Variants in RTN1 observed in about 807,000 individuals in gnomAD.
The protein encoded by RTN1 is reticulon-1.
RTN1 carries 25 observed loss-of-function variants against 65.5 expected under a neutral mutation model. That is an observed-to-expected ratio of 0.38 (90% CI 0.28 to 0.53). The LOEUF (loss-of-function observed/expected upper bound fraction) is 0.53. RTN1 is among the 20% of genes least tolerant of loss of function. The pLI is 0.79. For missense variants in RTN1, 983 were observed against 1,025.4 expected, an observed-to-expected ratio of 0.96 and a Z score of 0.57; for synonymous variants, 471 against 447.6, an observed-to-expected ratio of 1.05 and a Z score of -0.66.
At chr14:59,687,529 T>C (rs1883872852) in intron 3 of RTN1, among the ~76,000 whole-genome samples, 1 of 151,944 alleles carries the variant, frequency 6.6e-6, no homozygotes, top group Non-Finnish European at 1.5e-5. Context: ...GCAGAGATCC[T>C]GGTACAGCAG....
rs551323713 is a variant in RTN1, at chr14:59,622,881, TC to T, written c.1766-15390del. On this transcript the variant is annotated intron_variant, in intron 3 of 8. Transcript: ENST00000267484. ...TGATAAGACACCTTTGATTTCATTT[TC>T]CAGCCCTTCCCTCACACCTCCTAAC... is the stretch of plus-strand genomic sequence containing the variant. Among the ~76,000 whole-genome samples, 31 of 152,340 alleles carry T rather than the reference TC, an allele frequency of 2.0e-4. No homozygotes were observed. In the South Asian group the frequency reaches 6.4e-3, roughly 32 times the overall value.
At chr14:59,777,032 C>T (rs17096617) in intron 1 of RTN1, among the ~76,000 whole-genome samples, 55,896 of 151,946 alleles carry the variant, frequency 0.37, 10,442 homozygotes, top group Middle Eastern at 0.45. Context: ...GCGTTCATTA[C>T]GGAGTGACAT....
chr14:59,817,924 C>A (rs558450388), intron 1 of RTN1, among the ~76,000 whole-genome samples: 1 of 152,066 alleles, frequency 6.6e-6, no homozygotes. Context: ...GTTTGTTACA[C>A]GAGTAAATTG....
chr14:59,803,112 C>T lies in RTN1; in HGVS notation c.242-56631G>A, dbSNP rs1886576469. Among the ~76,000 whole-genome samples the T allele has an allele frequency of 6.6e-6, 1 of 152,136 alleles. No individual in the cohort carries two copies. Among genetic ancestry groups the T allele is most frequent in the Non-Finnish European group, 1.5e-5 (1 of 68,032 alleles). The stretch of plus-strand genomic sequence containing the variant: ...GGCCATGCAGAAAACCGCTGTCTAT[C>T]TAAATGAAATCAAAAGGACAGGATG... On this transcript the variant is annotated intron_variant, in intron 1 of 8. Coordinates refer to ENST00000267484, the MANE Select transcript of RTN1 (RefSeq NM_021136.3). The surrounding 1 kb of genome is among the most constrained non-coding windows in gnomAD (Gnocchi z 5.6).
At chr14:59,686,886 A>C (rs551978472) in intron 3 of RTN1, among the ~76,000 whole-genome samples, 1 of 152,308 alleles carries the variant, frequency 6.6e-6, no homozygotes, top group African/African-American at 2.4e-5. Flanking sequence ...AGGCACATTC[A>C]AAGGCAGCCA....
Position 59,836,419 on chromosome 14 carries a change from G to A in RTN1, c.241+33971C>T, listed in dbSNP as rs1337933440. ...GACTCTCAGGCACAGAGAGATTAAG[G>A]AACTCCCCACATCACACAACTAATT... On this transcript the variant is annotated intron_variant, in intron 1 of 8. Coordinates refer to ENST00000267484, the MANE Select transcript of RTN1 (RefSeq NM_021136.3). The surrounding 1 kb of genome is among the most constrained non-coding windows in gnomAD (Gnocchi z 4.9). Among the ~76,000 whole-genome samples the A allele has an allele frequency of 6.6e-6, 1 of 152,170 alleles. No individual in the cohort carries two copies. Among genetic ancestry groups the A allele is most frequent in the Admixed American group, 6.5e-5 (1 of 15,276 alleles).
chr14:59,607,232 G>A, intron 4 of RTN1, 53 bp downstream of exon 4: 1 of 1,511,584 alleles, frequency 6.6e-7, no homozygotes, highest in Non-Finnish European at 9.1e-7. Context: ...AAATACAGGT[G>A]AGGGTAAAAG....
chr14:59,640,073 A>T (rs2140191144), intron 3 of RTN1, among the ~76,000 whole-genome samples: 1 of 152,292 alleles, frequency 6.6e-6, no homozygotes. Flanking sequence ...CAAGTTAGAA[A>T]ATGTTACTCC....
intron 1 of RTN1, among the ~76,000 whole-genome samples, chr14:59,755,194 A>C (rs374813214): frequency 9.2e-5 from 14 of 152,196 alleles, no homozygotes; most frequent in African/African-American, 2.9e-4. Context: ...ACAACAAATT[A>C]TACAAAAAGG....
intron 1 of RTN1, among the ~76,000 whole-genome samples, chr14:59,780,791 G>A (rs1886140773): frequency 6.6e-6 from 1 of 152,146 alleles, no homozygotes; most frequent in African/African-American, 2.4e-5. Context: ...AGAGAGCAAG[G>A]AAATATAGGA....
intron 3 of RTN1, among the ~76,000 whole-genome samples, chr14:59,701,634 C>T (rs1884180508): frequency 6.6e-6 from 1 of 151,504 alleles, no homozygotes; most frequent in Non-Finnish European, 1.5e-5. Flanking sequence ...CTATAATAGG[C>T]AAATCTATAG....
At chr14:59,748,760 C>T (rs1376155358) in intron 1 of RTN1, among the ~76,000 whole-genome samples, 1 of 146,898 alleles carries the variant, frequency 6.8e-6, no homozygotes, top group Admixed American at 6.6e-5. Context: ...AGTAGGTACT[C>T]AATACATATT....
intron 1 of RTN1, among the ~76,000 whole-genome samples, chr14:59,861,718 C>G (rs531504611): frequency 6.6e-6 from 1 of 152,316 alleles, no homozygotes; most frequent in South Asian, 2.1e-4. Context: ...CCTAATTTTG[C>G]TCTGTGAAAT....
intron 3 of RTN1, among the ~76,000 whole-genome samples, chr14:59,712,744 T>C (rs1375542559): frequency 6.6e-6 from 1 of 152,064 alleles, no homozygotes; most frequent in East Asian, 1.9e-4. Flanking sequence ...AAACCCTGTC[T>C]CTACTAAAAA....
At chr14:59,728,085 C>T (rs763556157) in intron 2 of RTN1, among the ~76,000 whole-genome samples, 1 of 152,100 alleles carries the variant, frequency 6.6e-6, no homozygotes, top group Non-Finnish European at 1.5e-5. Flanking sequence ...CTGATGTATA[C>T]AGCACTCTAA....
intron 2 of RTN1, among the ~76,000 whole-genome samples, chr14:59,735,963 G>A (rs997129951): frequency 3.3e-5 from 5 of 152,116 alleles, no homozygotes; most frequent in Non-Finnish European, 7.4e-5. Context: ...TAAAATTAAG[G>A]CAGAAATCAA....
chr14:59,840,663 C>T (rs1166870906), intron 1 of RTN1, among the ~76,000 whole-genome samples: 1 of 152,184 alleles, frequency 6.6e-6, no homozygotes, highest in African/African-American at 2.4e-5. Context: ...TCTCCCATCT[C>T]TCTTCTTTGA....
Position 59,742,267 on chromosome 14 carries a change from G to T in RTN1, c.1015+3441C>A, listed in dbSNP as rs114734159. Among the ~76,000 whole-genome samples the T allele has an allele frequency of 1.3e-3, 205 of 152,180 alleles. 1 individual carries two copies. The highest frequency in any genetic ancestry group is 4.8e-3 in the African/African-American group (201 of 41,514). On this transcript the variant is annotated intron_variant, in intron 2 of 8. Coordinates refer to ENST00000267484, the MANE Select transcript of RTN1 (RefSeq NM_021136.3). ...TTTTAAGGATGACTTCCTGATTATTGTCCTTTTTGAGGCTAATAGCTCACA... is the reference window on the plus strand; with the variant it reads ...TTTTAAGGATGACTTCCTGATTATTTTCCTTTTTGAGGCTAATAGCTCACA...
At chr14:59,847,708 A>T (rs1887434600) in intron 1 of RTN1, among the ~76,000 whole-genome samples, 1 of 152,224 alleles carries the variant, frequency 6.6e-6, no homozygotes, top group African/African-American at 2.4e-5. Context: ...CACTTAAAAA[A>T]TATGCCTCCT....
Sources: allele counts gnomAD v4.1 joint callset (sites outside exome capture counted in the v4.1 genomes callset), GRCh38; gene constraint gnomAD v4.1.1; non-coding constraint Gnocchi (gnomAD v3.1); transcripts MANE v1.5; gene names NCBI Gene and HGNC (gene_info 2026-07-23, HGNC 2026-07-21).